Variants in EDIL3 observed in about 807,000 individuals in gnomAD.
The protein encoded by EDIL3 is EGF like and discoidin domains 3.
In EDIL3, 37 loss-of-function variants were observed where a neutral mutation model predicts 67.4. The observed-to-expected ratio is 0.55, with a 90% CI of 0.42 to 0.72. EDIL3 has a LOEUF of 0.72. EDIL3 is among the 30% of genes least tolerant of loss of function. EDIL3 has a pLI of 0.00. For missense variants in EDIL3, 527 were observed against 586.3 expected (o/e 0.90, Z 1.04); for synonymous variants, 195 against 196.3 (o/e 0.99, Z 0.05).
chr5:83,974,840 G>C (rs879769134), intron 9 of EDIL3, among the ~76,000 whole-genome samples: 8 of 151,524 alleles, frequency 5.3e-5, no homozygotes, highest in African/African-American at 1.2e-4. Context: ...CATTTGCTTT[G>C]TTCTCTGTAG....
chr5:84,318,679 T>C lies in EDIL3; in HGVS notation c.68-64467A>G, dbSNP rs575623144. 8.5e-5 allele frequency among the ~76,000 whole-genome samples: 13 copies of C among 152,266 alleles called. No homozygotes were observed. In the East Asian group the frequency reaches 2.3e-3, roughly 27 times the overall value. ...ACTCAAGATGGATTAAAGATTTAAATGTAAGACCTAAAACCATAAAAACCC... is the reference window on the plus strand; with the variant it reads ...ACTCAAGATGGATTAAAGATTTAAACGTAAGACCTAAAACCATAAAAACCC... On this transcript the variant is annotated intron_variant, in intron 1 of 10. Transcript: ENST00000296591.
intron 9 of EDIL3, among the ~76,000 whole-genome samples, chr5:83,967,302 CAG>C (rs1275988386): frequency 6.6e-6 from 1 of 152,084 alleles, no homozygotes; most frequent in Non-Finnish European, 1.5e-5. Flanking sequence ...GCCTGGGCAA[CAG>C]AGCCAGACAT....
In EDIL3 at chr5:84,087,885, G is replaced by A. The variant is rs1029246216; in HGVS notation, c.651+18764C>T. The stretch of plus-strand genomic sequence containing the variant: ...GAAATAATAAATATATTGAATGAAT[G>A]AATAAATTCATTAATTTAAATGAAG... On this transcript the variant is annotated intron_variant, in intron 6 of 10. Coordinates refer to ENST00000296591, the MANE Select transcript of EDIL3 (RefSeq NM_005711.5). 3.3e-5 allele frequency among the ~76,000 whole-genome samples: 5 copies of A among 151,952 alleles called. No homozygotes were observed. In the South Asian group the frequency reaches 1.0e-3, roughly 32 times the overall value.
intron 4 of EDIL3, among the ~76,000 whole-genome samples, chr5:84,141,484 C>A (rs1748187013): frequency 6.9e-6 from 1 of 144,408 alleles, no homozygotes; most frequent in African/African-American, 2.5e-5. Context: ...ATATATATTT[C>A]ATAATTATAT....
At chr5:84,382,399 G>C (rs1482279460) in intron 1 of EDIL3, among the ~76,000 whole-genome samples, 1 of 152,170 alleles carries the variant, frequency 6.6e-6, no homozygotes, top group East Asian at 1.9e-4. Flanking sequence ...CCCTCAATCA[G>C]ACCCAGCCAG....
At chr5:84,209,310 G>T (rs1744065629) in intron 3 of EDIL3, among the ~76,000 whole-genome samples, 3 of 152,032 alleles carry the variant, frequency 2.0e-5, no homozygotes, top group East Asian at 1.9e-4. Flanking sequence ...CACCAGCATG[G>T]CACATGTATA....
At chr5:84,288,719 T>C (rs996174820) in intron 1 of EDIL3, among the ~76,000 whole-genome samples, 5 of 152,176 alleles carry the variant, frequency 3.3e-5, no homozygotes, top group African/African-American at 1.2e-4. Context: ...AGCTTTCCCC[T>C]GACTACTCAA....
chr5:84,050,642 G>A (rs564122182), intron 9 of EDIL3, among the ~76,000 whole-genome samples: 1 of 152,330 alleles, frequency 6.6e-6, no homozygotes, highest in African/African-American at 2.4e-5. Context: ...AGTGGTCTTA[G>A]CAAACGGCAC....
intron 3 of EDIL3, among the ~76,000 whole-genome samples, chr5:84,208,681 G>A (rs836036): frequency 0.037 from 2,556 of 69,982 alleles, 28 homozygotes; most frequent in Non-Finnish European, 0.046. Flanking sequence ...GCGAGACTCC[G>A]TCTCAAAAAA....
intron 4 of EDIL3, among the ~76,000 whole-genome samples, chr5:84,139,045 C>T (rs906137887): frequency 2.6e-5 from 4 of 152,168 alleles, no homozygotes; most frequent in African/African-American, 4.8e-5. Context: ...CAAGACCAGC[C>T]TGGCCAACAT....
At chr5:84,112,828 C>T (rs534968197) in intron 5 of EDIL3, among the ~76,000 whole-genome samples, 2 of 152,030 alleles carry the variant, frequency 1.3e-5, no homozygotes, top group Admixed American at 6.6e-5. Flanking sequence ...TAATAAATGT[C>T]GGTAGAGGGA....
At chr5:84,013,704 C>T (rs1745553918) in intron 9 of EDIL3, among the ~76,000 whole-genome samples, 1 of 152,116 alleles carries the variant, frequency 6.6e-6, no homozygotes, top group African/African-American at 2.4e-5. Flanking sequence ...GTAGATGTTC[C>T]TATTCAAGTC....
intron 9 of EDIL3, among the ~76,000 whole-genome samples, chr5:84,027,364 G>C (rs1008705884): frequency 6.6e-6 from 1 of 152,148 alleles, no homozygotes; most frequent in African/African-American, 2.4e-5. Context: ...TTGAGTTGCA[G>C]AGAGAGATTA....
chr5:84,057,224 G>A (rs1321903729), intron 9 of EDIL3, among the ~76,000 whole-genome samples: 1 of 152,130 alleles, frequency 6.6e-6, no homozygotes, highest in Non-Finnish European at 1.5e-5. Context: ...ATTTTAAGAA[G>A]ATAGTTGAAA....
At chr5:84,081,380 C>T (rs951661076) in intron 6 of EDIL3, among the ~76,000 whole-genome samples, 1 of 151,946 alleles carries the variant, frequency 6.6e-6, no homozygotes, top group Non-Finnish European at 1.5e-5. Flanking sequence ...GTCTCGAACT[C>T]TTGTAAATAA....
chr5:84,326,169 G>A (rs1561258104), intron 1 of EDIL3, among the ~76,000 whole-genome samples: 1 of 151,960 alleles, frequency 6.6e-6, no homozygotes, highest in Non-Finnish European at 1.5e-5. Flanking sequence ...TCCACCATGG[G>A]ATGATCCATC....
chr5:84,336,419 G>A (rs893492410), intron 1 of EDIL3, among the ~76,000 whole-genome samples: 3 of 152,156 alleles, frequency 2.0e-5, no homozygotes, highest in Non-Finnish European at 4.4e-5. Context: ...TATCTGCAGT[G>A]TAAAGATAAT....
chr5:84,317,592 G>A (rs1746541869), intron 1 of EDIL3, among the ~76,000 whole-genome samples: 1 of 151,994 alleles, frequency 6.6e-6, no homozygotes, highest in Non-Finnish European at 1.5e-5. Flanking sequence ...TAAAATTGAG[G>A]CAATAATTAA....
chr5:84,346,135 CTTTTTTT>C (rs912729041), intron 1 of EDIL3, among the ~76,000 whole-genome samples: 82 of 122,910 alleles, frequency 6.7e-4, no homozygotes, highest in Admixed American at 2.5e-3. Flanking sequence ...CTTTTTTTTT[CTTTTTTT>C]TTTTTTTTTT....
Sources: gnomAD v4.1 joint callset for allele counts (sites outside exome capture counted in the v4.1 genomes callset) on GRCh38, gnomAD v4.1.1 for gene constraint, MANE v1.5 for transcripts, NCBI Gene and HGNC (gene_info 2026-07-23, HGNC 2026-07-21) for gene names.